The following SLC20A2 variants were observed in gnomAD, a reference collection of about 807,000 sequenced individuals.
SLC20A2 encodes solute carrier family 20 member 2, also known as sodium-dependent phosphate transporter 2.
SLC20A2 carries 30 observed loss-of-function variants against 61.0 expected under a neutral mutation model. That is an observed-to-expected ratio of 0.49 (90% CI 0.37 to 0.67). The LOEUF (loss-of-function observed/expected upper bound fraction) is 0.67, where lower values mean the gene tolerates loss of function less well. Ranked by LOEUF, SLC20A2 falls within the 30% of genes least tolerant of loss-of-function variation. The probability of loss-of-function intolerance (pLI) is 0.00; values close to 1 mark genes in which losing one functional copy is unlikely to be tolerated. For missense variants in SLC20A2, 626 were observed against 866.4 expected (o/e 0.72, Z 3.48); for synonymous variants, 351 against 353.3 (o/e 0.99, Z 0.07).
chr8:42,475,528 G>A (rs973227828), intron 1 of SLC20A2, among the ~76,000 whole-genome samples: 7 of 152,028 alleles, frequency 4.6e-5, no homozygotes, highest in Non-Finnish European at 1.0e-4. Flanking sequence ...TCCTGCCTCG[G>A]CCTCCCGAGT....
chr8:42,527,303 CTGAGCTTGCGG>C (rs1326895698), intron 1 of SLC20A2, among the ~76,000 whole-genome samples: 1 of 151,192 alleles, frequency 6.6e-6, no homozygotes, highest in Non-Finnish European at 1.5e-5. Flanking sequence ...ACTGGGGAGG[CTGAGCTTGCGG>C]TGAGCCAAGA....
chr8:42,484,141 A>G (rs1357531472), intron 1 of SLC20A2, among the ~76,000 whole-genome samples: 1 of 152,222 alleles, frequency 6.6e-6, no homozygotes, highest in East Asian at 1.9e-4. Flanking sequence ...CAGCAGAAAA[A>G]ACAACAGAGG....
At chr8:42,513,653 T>G (rs1227432554) in intron 1 of SLC20A2, among the ~76,000 whole-genome samples, 2 of 152,178 alleles carry the variant, frequency 1.3e-5, no homozygotes, top group African/African-American at 4.8e-5. Flanking sequence ...CATTTATCCA[T>G]CAGGCTCTCA....
intron 1 of SLC20A2, chr8:42,541,740 C>G (rs1344535965): frequency 6.7e-6 from 1 of 149,244 alleles, no homozygotes; most frequent in Admixed American, 6.6e-5. Flanking sequence ...CTCCCGGTCC[C>G]CGGCGGGGCC....
chr8:42,457,973 G>T (rs1035709572), intron 5 of SLC20A2, among the ~76,000 whole-genome samples: 2 of 152,144 alleles, frequency 1.3e-5, no homozygotes. Flanking sequence ...AAGTAATAAG[G>T]ATTTCCACTA....
intron 3 of SLC20A2, among the ~76,000 whole-genome samples, chr8:42,463,643 C>A (rs1806882766): frequency 6.6e-6 from 1 of 152,082 alleles, no homozygotes; most frequent in Non-Finnish European, 1.5e-5. Flanking sequence ...CTGGCTGGAC[C>A]CCCAGAATTC....
Position 42,464,092 on chromosome 8 carries a change from CTTTTTTTTTTT to C in SLC20A2, c.431-1013_431-1003del, listed in dbSNP as rs1170751054. On this transcript the variant is annotated intron_variant, in intron 3 of 10. Transcript: ENST00000520262. ...CTTCCCAAAGGGCAGGCTGGATGAT[CTTTTTTTTTTT>C]TTTTTTTTTTTTTTTTTTTTGAGAC... is the stretch of plus-strand genomic sequence containing the variant. Among the ~76,000 whole-genome samples the C allele has an allele frequency of 0.011, 224 of 20,552 alleles. 6 individuals are homozygous for C. In the Middle Eastern group the frequency reaches 0.19, roughly 17 times the overall value. The allele number at this position is 20,552 out of a possible 152,430, so 13.5% of individuals were successfully genotyped here.
chr8:42,520,867 A>G lies in SLC20A2; in HGVS notation c.-265+20954T>C, dbSNP rs1457687465. 3.3e-5 allele frequency among the ~76,000 whole-genome samples: 4 copies of G among 121,948 alleles called. 2 individuals are homozygous for G. The highest frequency in any genetic ancestry group is 5.0e-5 in the African/African-American group (2 of 39,642). 80.0% of individuals were successfully genotyped at this position (121,948 alleles called of 152,430 possible). A position where few individuals can be genotyped will look rare whatever the true frequency, so the allele number is the denominator to read the frequency against. ...AAACATTAAAAGGGATTCATTAAGA[A>G]AAGAAAATAATATTTGAGTACGTGT... On this transcript the variant is annotated intron_variant, in intron 1 of 10. Coordinates refer to the SLC20A2 transcript ENST00000342228.
chr8:42,536,485 T>C (rs1213871617), intron 1 of SLC20A2: 1 of 152,248 alleles, frequency 6.6e-6, no homozygotes. Context: ...TGGAGCCATT[T>C]AGATTCAGTG....
chr8:42,468,330 C>A (rs1477673578), intron 2 of SLC20A2, among the ~76,000 whole-genome samples: 1 of 152,146 alleles, frequency 6.6e-6, no homozygotes, highest in Non-Finnish European at 1.5e-5. Flanking sequence ...TTACAAAATA[C>A]ATCCTGGAGG....
intron 1 of SLC20A2, among the ~76,000 whole-genome samples, chr8:42,476,084 CTTTTTTTT>C (rs11350697): frequency 3.3e-4 from 14 of 42,054 alleles, no homozygotes; most frequent in East Asian, 3.2e-3. Flanking sequence ...TTTACTGTGT[CTTTTTTTT>C]TTTTTTTTTT....
intron 5 of SLC20A2, among the ~76,000 whole-genome samples, chr8:42,457,247 C>T (rs2131141439): frequency 6.6e-6 from 1 of 152,098 alleles, no homozygotes; most frequent in African/African-American, 2.4e-5. Flanking sequence ...AAAAATTTAT[C>T]CTGGGGCACA....
intron 2 of SLC20A2, among the ~76,000 whole-genome samples, chr8:42,469,028 C>T (rs972604548): frequency 6.6e-6 from 1 of 152,100 alleles, no homozygotes; most frequent in Non-Finnish European, 1.5e-5. Flanking sequence ...ACAACTCTGT[C>T]AGGAAGCACA....
At chr8:42,478,076 C>T (rs968933220) in intron 1 of SLC20A2, among the ~76,000 whole-genome samples, 1 of 150,784 alleles carries the variant, frequency 6.6e-6, no homozygotes, top group Non-Finnish European at 1.5e-5. Flanking sequence ...AGTAGAGACA[C>T]GGTTTCACTA....
At chr8:42,461,021 G>T (rs1806649697) in intron 4 of SLC20A2, among the ~76,000 whole-genome samples, 1 of 152,224 alleles carries the variant, frequency 6.6e-6, no homozygotes, top group Non-Finnish European at 1.5e-5. Flanking sequence ...AAGTATGTTT[G>T]CAGAACAGTA....
chr8:42,485,924 G>A (rs543260700), intron 1 of SLC20A2, among the ~76,000 whole-genome samples: 47 of 146,672 alleles, frequency 3.2e-4, no homozygotes, highest in African/African-American at 1.0e-3. Flanking sequence ...CCACCCTGGC[G>A]ACAGAGCGAG....
chr8:42,541,186 C>G (rs1813107259), intron 1 of SLC20A2: 1 of 152,304 alleles, frequency 6.6e-6, no homozygotes, highest in South Asian at 2.1e-4. Flanking sequence ...GCAGGAGGCG[C>G]CCGGCACTCG....
At chr8:42,446,920 T>C (rs181476884) in intron 5 of SLC20A2, among the ~76,000 whole-genome samples, 58 of 152,288 alleles carry the variant, frequency 3.8e-4, no homozygotes, top group African/African-American at 1.2e-3. Context: ...AATGTCACTT[T>C]TGTAAATTGT....
chr8:42,515,433 T>C (rs929436378), intron 1 of SLC20A2, among the ~76,000 whole-genome samples: 2 of 151,928 alleles, frequency 1.3e-5, no homozygotes, highest in African/African-American at 4.8e-5. Flanking sequence ...AGGAAAGAGA[T>C]CAAGAGGTGA....
Sources: gnomAD v4.1 joint callset for allele counts (sites outside exome capture counted in the v4.1 genomes callset) on GRCh38, gnomAD v4.1.1 for gene constraint, MANE v1.5 for transcripts, NCBI Gene and HGNC (gene_info 2026-07-23, HGNC 2026-07-21) for gene names.